Variants in NSMAF observed in about 807,000 individuals in gnomAD.
NSMAF encodes neutral sphingomyelinase activation associated factor.
Under a neutral mutation model 134.9 loss-of-function variants are expected in NSMAF, and 90 were observed. The observed-to-expected ratio is 0.67, with a 90% CI of 0.56 to 0.79. The LOEUF (loss-of-function observed/expected upper bound fraction) is 0.79, where lower values mean the gene tolerates loss of function less well. Among genes scored for constraint, NSMAF ranks in the 30% least tolerant of loss-of-function variants. The pLI, the probability that NSMAF is intolerant of heterozygous loss-of-function variation, is 0.00. For synonymous variants in NSMAF, 358 were observed against 389.6 expected, an observed-to-expected ratio of 0.92 and a Z score of 0.96; for missense variants, 1,010 against 1,119.0, an observed-to-expected ratio of 0.90 and a Z score of 1.39.
In NSMAF at chr8:58,635,211, C is replaced by A; in HGVS notation, c.311G>T (p.Gly104Val). The A allele has an allele frequency of 6.2e-7, 1 of 1,610,910 alleles. No individual in the cohort carries two copies. The highest frequency in any genetic ancestry group is 8.5e-7 in the Non-Finnish European group (1 of 1,177,786). ...NRHFTKAKSGGISLIFSQVYF... is the reference protein window; with the variant it reads ...NRHFTKAKSGVISLIFSQVYF... ...TACCTGACTGAAAATGAGTGAAATA[C>A]CCCCAGATTTTGCCCTAAAATACAG... The change falls in exon 5 of 31, where the codon GGT (glycine) becomes GTT (valine). Residue 104 changes from glycine (G) to valine (V), a missense_variant. Physicochemically the swap from Gly to Val is moderately radical, Grantham distance 109. Coordinates refer to ENST00000038176, the MANE Select transcript of NSMAF (RefSeq NM_003580.4).
chr8:58,640,231 A>T, intron 2 of NSMAF: 1 of 281,828 alleles, frequency 3.5e-6, no homozygotes. Context: ...GAGGTGATGG[A>T]TATGATAATT....
intron 11 of NSMAF, among the ~76,000 whole-genome samples, chr8:58,607,472 T>C (rs112934124): frequency 1.3e-5 from 2 of 152,360 alleles, no homozygotes; most frequent in African/African-American, 4.8e-5. Context: ...ACACAGATCA[T>C]TCTAGCCTGA....
chr8:58,584,181 C>G lies in NSMAF; in HGVS notation c.2679G>C (p.Trp893Cys). 6.2e-7 allele frequency: 1 copy of G among 1,613,498 alleles called. No homozygotes were observed. The highest frequency in any genetic ancestry group is 8.5e-7 in the Non-Finnish European group (1 of 1,179,570). The part of the protein sequence containing the change: ...QGHTGAVTCI[W>C]MNEQCSSIIT... ...TGATACTGCTACACTGTTCATTCAT[C>G]CATATACATGTCACAGCACCTGAGA... Residue 893 changes from tryptophan to cysteine, a missense_variant, in exon 31 of 31, where the codon TGG becomes TGC. Physicochemically the swap from Trp to Cys is radical, Grantham distance 215. Coordinates refer to ENST00000038176, the MANE Select transcript of NSMAF (RefSeq NM_003580.4).
At position 58,589,573 on chromosome 8, in the gene NSMAF, T is replaced by C. The variant is rs1187517153; in HGVS notation, c.2090A>G (p.Tyr697Cys). ...TCTTCCAAATGCTATGGAATAAAAATAGCTAAAAGATAATGAGAAGCATTA... is the reference window on the plus strand; with the variant it reads ...TCTTCCAAATGCTATGGAATAAAAACAGCTAAAAGATAATGAGAAGCATTA... ...VITSSWDNNV[Y>C]FYSIAFGRRQ... Residue 697 changes from tyrosine to cysteine, a missense_variant and splice_region_variant, in exon 26 of 31, where the codon TAT (tyrosine) becomes TGT (cysteine). Tyr to Cys is a radical substitution (Grantham distance 194). Transcript: ENST00000038176. 3.2e-6 allele frequency: 5 copies of C among 1,565,754 alleles called. No homozygotes were observed. Among genetic ancestry groups the C allele is most frequent in the South Asian group, 1.2e-5 (1 of 81,110 alleles).
intron 2 of NSMAF, among the ~76,000 whole-genome samples, chr8:58,639,338 C>T (rs549737326): frequency 6.6e-6 from 1 of 151,220 alleles, no homozygotes; most frequent in African/African-American, 2.4e-5. Context: ...AAATGGCCAA[C>T]AAGCATATGA....
At chr8:58,589,419 A>C in intron 26 of NSMAF, 33 bp downstream of exon 26, 1 of 1,423,334 alleles carries the variant, frequency 7.0e-7, no homozygotes, top group Non-Finnish European at 9.2e-7. Context: ...ATAGCACACC[A>C]AGTTAAAAAA....
In NSMAF at chr8:58,626,428, A is replaced by G. The variant is rs554859067; in HGVS notation, c.385-2648T>C. ...AATTCTTATGTCTTTGCATTCTCAT[A>G]TCTTAGCTCCCACTTATAAGTGAGA... is the stretch of plus-strand genomic sequence containing the variant. On this transcript the variant is annotated intron_variant, in intron 6 of 30. Transcript: ENST00000038176. Among the ~76,000 whole-genome samples, 24 of 152,188 alleles carry G rather than the reference A, an allele frequency of 1.6e-4. 1 individual carries two copies. In the South Asian group the frequency reaches 4.2e-3, roughly 26 times the overall value.
At chr8:58,657,568 G>C (rs550461507) in intron 1 of NSMAF, among the ~76,000 whole-genome samples, 6 of 152,344 alleles carry the variant, frequency 3.9e-5, no homozygotes, top group Admixed American at 3.3e-4. Flanking sequence ...CTCTGTTTCA[G>C]AATGAATTCT....
At chr8:58,596,501 A>C (rs1291997943) in intron 21 of NSMAF, among the ~76,000 whole-genome samples, 1 of 152,194 alleles carries the variant, frequency 6.6e-6, no homozygotes, top group Non-Finnish European at 1.5e-5. Flanking sequence ...ACCTTTCCAA[A>C]TATTAGATGT....
At chr8:58,596,930 CAAAA>C (rs538263469) in intron 21 of NSMAF, among the ~76,000 whole-genome samples, 1 of 64,352 alleles carries the variant, frequency 1.6e-5, no homozygotes. Context: ...GACTCCGTCT[CAAAA>C]AAAAAAAAAA....
chr8:58,659,450 T>TCCGGCCCCTGCCTCCGTGC (rs1807808470), intron 1 of NSMAF, 123 bp downstream of exon 1: 21 of 1,484,206 alleles, frequency 1.4e-5, no homozygotes, highest in Non-Finnish European at 1.8e-5. Context: ...TGGACACGCG[T>TCCGGCCCCTGCCTCCGTGC]CCGGCCCCTG....
chr8:58,611,392 T>C (rs1186675525), intron 9 of NSMAF, among the ~76,000 whole-genome samples: 1 of 151,962 alleles, frequency 6.6e-6, no homozygotes, highest in East Asian at 1.9e-4. Flanking sequence ...AATAAAAAAT[T>C]AGCCAGGCAT....
intron 1 of NSMAF, among the ~76,000 whole-genome samples, chr8:58,653,464 C>G (rs1807631641): frequency 1.3e-5 from 2 of 151,556 alleles, no homozygotes. Flanking sequence ...CCTTAGGACA[C>G]AGAATAGTGA....
chr8:58,609,684 C>T lies in NSMAF; in HGVS notation c.607G>A (p.Val203Met). The T allele has an allele frequency of 6.2e-7, 1 of 1,614,152 alleles. No homozygotes were observed. Among genetic ancestry groups the T allele is most frequent in the Non-Finnish European group, 8.5e-7 (1 of 1,180,006 alleles). Residue 203 changes from valine to methionine, a missense_variant, in exon 10 of 31, where the codon GTG becomes ATG. Val to Met is a conservative substitution (Grantham distance 21). Coordinates refer to ENST00000038176, the MANE Select transcript of NSMAF (RefSeq NM_003580.4). The stretch of plus-strand genomic sequence containing the variant: ...CCAGGATTAGTCACCAGAGGCGTCA[C>T]CATTTCTGCTTTGCATTCCATGTGC... ...KLHMECKAEMVTPLVTNPGHV... is the reference protein window; with the variant it reads ...KLHMECKAEMMTPLVTNPGHV...
intron 12 of NSMAF, among the ~76,000 whole-genome samples, chr8:58,605,202 C>T (rs1563529315): frequency 6.6e-6 from 1 of 152,148 alleles, no homozygotes; most frequent in Non-Finnish European, 1.5e-5. Context: ...TTCACATTTT[C>T]CATGGAAAAC....
At chr8:58,634,106 G>A (rs1422591140) in intron 5 of NSMAF, among the ~76,000 whole-genome samples, 1 of 152,136 alleles carries the variant, frequency 6.6e-6, no homozygotes, top group Non-Finnish European at 1.5e-5. Context: ...TATGGAGGTG[G>A]ACCAGAATTA....
At chr8:58,618,834 G>T (rs1159795367) in intron 9 of NSMAF, among the ~76,000 whole-genome samples, 1 of 152,114 alleles carries the variant, frequency 6.6e-6, no homozygotes, top group Non-Finnish European at 1.5e-5. Flanking sequence ...TACGATGAAA[G>T]CTTATCTTAG....
chr8:58,592,895 AC>A (rs1291677526), intron 23 of NSMAF, among the ~76,000 whole-genome samples: 3 of 119,044 alleles, frequency 2.5e-5, no homozygotes, highest in African/African-American at 8.5e-5. Flanking sequence ...TCAAAAAAAA[AC>A]AAAAACAAAA....
chr8:58,597,443 T>G lies in NSMAF; in HGVS notation c.1736A>C (p.Lys579Thr), dbSNP rs911827746. Residue 579 changes from lysine (K) to threonine (T), a missense_variant, in exon 21 of 31, where the codon AAG becomes ACG. Physicochemically the swap from Lys to Thr is moderately conservative, Grantham distance 78. Transcript: ENST00000038176. ...GGAGGTCTGGGACAAACTTTTAAAC[T>G]TTGGGGTGATCCTTCGAGGATGTGG... ...VTPHPRRITP[K>T]FKSLSQTSSY... The G allele has an allele frequency of 3.1e-6, 5 of 1,614,048 alleles. No individual in the cohort carries two copies. The highest frequency in any genetic ancestry group is 2.7e-5 in the African/African-American group (2 of 74,946).
Sources: gnomAD v4.1 joint callset for allele counts (sites outside exome capture counted in the v4.1 genomes callset) on GRCh38, gnomAD v4.1.1 for gene constraint, MANE v1.5 for transcripts, NCBI Gene and HGNC (gene_info 2026-07-23, HGNC 2026-07-21) for gene names.